The following PPFIA2 variants were observed in gnomAD, a reference collection of about 807,000 sequenced individuals.
PPFIA2 encodes the protein PPFI scaffold protein A2, also known as liprin-alpha-2.
A neutral mutation model predicts 175.5 loss-of-function variants in PPFIA2; 46 were observed. That is an observed-to-expected ratio of 0.26 (90% CI 0.21 to 0.34). The LOEUF (loss-of-function observed/expected upper bound fraction) is 0.34. Ranked by LOEUF, PPFIA2 falls within the 10% of genes least tolerant of loss-of-function variation. The pLI is 1.00. For synonymous variants in PPFIA2, 568 were observed against 511.4 expected (o/e 1.11, Z -1.49); for missense variants, 1,179 against 1,506.1 (o/e 0.78, Z 3.60).
intron 2 of PPFIA2, among the ~76,000 whole-genome samples, chr12:81,756,271 T>C (rs1168003738): frequency 2.0e-5 from 3 of 152,164 alleles, no homozygotes; most frequent in Non-Finnish European, 4.4e-5. Flanking sequence ...AATTCTTAAA[T>C]CTATATTTTA....
intron 17 of PPFIA2, among the ~76,000 whole-genome samples, chr12:81,349,869 C>T (rs2059717433): frequency 6.6e-6 from 1 of 152,060 alleles, no homozygotes; most frequent in South Asian, 2.1e-4. Context: ...GCTGTGAAGA[C>T]AGAAAACATG....
At chr12:81,713,151 A>G (rs909600810) in intron 3 of PPFIA2, among the ~76,000 whole-genome samples, 11 of 151,192 alleles carry the variant, frequency 7.3e-5, no homozygotes, top group African/African-American at 2.4e-4. Flanking sequence ...AGAAAATATG[A>G]TAAATAATAA....
intron 4 of PPFIA2, among the ~76,000 whole-genome samples, chr12:81,567,044 G>C (rs1167332425): frequency 1.3e-5 from 2 of 152,110 alleles, no homozygotes; most frequent in Non-Finnish European, 2.9e-5. Flanking sequence ...TTCCCTCCCT[G>C]GGAGAAACTT....
chr12:81,437,778 G>C (rs193280730), intron 7 of PPFIA2, among the ~76,000 whole-genome samples: 1 of 151,844 alleles, frequency 6.6e-6, no homozygotes, highest in Non-Finnish European at 1.5e-5. Context: ...CACATTTTAC[G>C]TTTTTTTCTG....
intron 8 of PPFIA2, among the ~76,000 whole-genome samples, chr12:81,396,564 T>C (rs1221829103): frequency 6.6e-6 from 1 of 152,022 alleles, no homozygotes; most frequent in Non-Finnish European, 1.5e-5. Flanking sequence ...TGTAGAGCCT[T>C]GTGTAAGTGG....
At chr12:81,508,246 G>A (rs1264231397) in intron 4 of PPFIA2, among the ~76,000 whole-genome samples, 1 of 152,016 alleles carries the variant, frequency 6.6e-6, no homozygotes, top group African/African-American at 2.4e-5. Context: ...GTGGGGCCGG[G>A]CACGGTGGGT....
intron 3 of PPFIA2, among the ~76,000 whole-genome samples, chr12:81,729,783 T>G (rs2080613253): frequency 6.6e-6 from 1 of 151,474 alleles, no homozygotes; most frequent in South Asian, 2.1e-4. Context: ...AAGGAACTGA[T>G]CAGACCATTG....
At chr12:81,469,041 A>G (rs542716628) in intron 4 of PPFIA2, among the ~76,000 whole-genome samples, 1 of 152,306 alleles carries the variant, frequency 6.6e-6, no homozygotes, top group Non-Finnish European at 1.5e-5. Flanking sequence ...GGCGTATGAG[A>G]GTTCTGGAAT....
chr12:81,566,050 T>A (rs1399336519), intron 4 of PPFIA2, among the ~76,000 whole-genome samples: 1 of 152,152 alleles, frequency 6.6e-6, no homozygotes, highest in Non-Finnish European at 1.5e-5. Flanking sequence ...CAAAAGTCAA[T>A]GTATTCAAAA....
intron 19 of PPFIA2, among the ~76,000 whole-genome samples, chr12:81,342,276 C>T (rs752714944): frequency 2.0e-5 from 3 of 152,030 alleles, no homozygotes; most frequent in Admixed American, 1.3e-4. Flanking sequence ...TTCATGGCAT[C>T]GTTGTGTATC....
rs193196115 is a variant in PPFIA2 at position 81,742,965 on chromosome 12, T to C, written c.249+11008A>G. Among the ~76,000 whole-genome samples, 615 of 152,254 alleles carry C rather than the reference T, an allele frequency of 4.0e-3. 3 individuals are homozygous for C. The highest frequency in any genetic ancestry group is 0.014 in the African/African-American group (576 of 41,526). ...CCGTTGCATTTAGCAATGTGGGAGA[T>C]ATTGCTAATCTTCACAGAGCAGTTT... On this transcript the variant is annotated intron_variant, in intron 3 of 32. Transcript: ENST00000549396.
intron 3 of PPFIA2, among the ~76,000 whole-genome samples, chr12:81,691,253 A>G (rs777128339): frequency 1.3e-5 from 2 of 152,154 alleles, no homozygotes; most frequent in Non-Finnish European, 2.9e-5. Context: ...AACTTCCATT[A>G]TACTTATTTT....
At chr12:81,689,610 C>A (rs2074972804) in intron 3 of PPFIA2, among the ~76,000 whole-genome samples, 1 of 151,986 alleles carries the variant, frequency 6.6e-6, no homozygotes, top group Non-Finnish European at 1.5e-5. Context: ...ATTCTATAGT[C>A]ATTAAATGTT....
chr12:81,582,004 A>C (rs1204633918), intron 4 of PPFIA2, among the ~76,000 whole-genome samples: 1 of 151,920 alleles, frequency 6.6e-6, no homozygotes, highest in East Asian at 1.9e-4. Flanking sequence ...TAACGTTTCA[A>C]GTTTAGATAT....
chr12:81,271,471 T>C (rs2039095217), intron 28 of PPFIA2, among the ~76,000 whole-genome samples: 1 of 152,170 alleles, frequency 6.6e-6, no homozygotes, highest in Non-Finnish European at 1.5e-5. Flanking sequence ...GGTTTTACCA[T>C]GTTAGTCAGG....
At chr12:81,619,677 A>AT (rs568895549) in intron 4 of PPFIA2, among the ~76,000 whole-genome samples, 90 of 152,264 alleles carry the variant, frequency 5.9e-4, no homozygotes, top group African/African-American at 1.9e-3. Context: ...TGCTAAATAC[A>AT]TTTTTCTGGA....
intron 3 of PPFIA2, among the ~76,000 whole-genome samples, chr12:81,728,851 G>A (rs957230814): frequency 6.6e-6 from 1 of 151,414 alleles, no homozygotes; most frequent in African/African-American, 2.4e-5. Context: ...ACAAAATTCA[G>A]CAATGTGATA....
chr12:81,547,452 C>T (rs767556392), intron 4 of PPFIA2, among the ~76,000 whole-genome samples: 15 of 151,866 alleles, frequency 9.9e-5, no homozygotes, highest in Non-Finnish European at 1.8e-4. Flanking sequence ...CTCCACTCAC[C>T]GCAACCTCTG....
At chr12:81,494,620 T>C (rs1400011145) in intron 4 of PPFIA2, among the ~76,000 whole-genome samples, 1 of 152,016 alleles carries the variant, frequency 6.6e-6, no homozygotes, top group African/African-American at 2.4e-5. Context: ...CTATAAATCA[T>C]GCTGCTATAA....
Sources: gnomAD v4.1 joint callset for allele counts (sites outside exome capture counted in the v4.1 genomes callset) on GRCh38, gnomAD v4.1.1 for gene constraint, MANE v1.5 for transcripts, NCBI Gene and HGNC (gene_info 2026-07-23, HGNC 2026-07-21) for gene names.